Variants in NRG3 observed in about 807,000 individuals in gnomAD.
NRG3 encodes the protein pro-neuregulin-3, membrane-bound isoform.
Under a neutral mutation model 66.9 loss-of-function variants are expected in NRG3, and 31 were observed. The ratio of observed to expected loss-of-function variants is 0.46; its 90% CI spans 0.35 to 0.63. The LOEUF is 0.63. NRG3 is among the 20% of genes least tolerant of loss of function. The pLI, the probability that NRG3 is intolerant of heterozygous loss-of-function variation, is 0.00. For synonymous variants in NRG3, 393 were observed against 359.4 expected (o/e 1.09, Z -1.06); for missense variants, 910 against 878.9 (o/e 1.04, Z -0.45).
At chr10:82,046,827 C>A (rs2133078139) in intron 1 of NRG3, among the ~76,000 whole-genome samples, 1 of 115,842 alleles carries the variant, frequency 8.6e-6, no homozygotes, top group Non-Finnish European at 2.0e-5. Context: ...TTGAGATAAT[C>A]ATGTGGTTTT....
At chr10:82,166,823 T>C (rs758909999) in intron 1 of NRG3, 2 of 671,244 alleles carry the variant, frequency 3.0e-6, no homozygotes, top group Non-Finnish European at 5.5e-6. Flanking sequence ...TTCATACAAA[T>C]TTTGTAAGTC....
intron 2 of NRG3, among the ~76,000 whole-genome samples, chr10:82,457,783 G>A (rs781409248): frequency 2.2e-4 from 33 of 152,130 alleles, no homozygotes; most frequent in Admixed American, 3.9e-4. Context: ...GAAGGTTACC[G>A]CTGCCTTGTG....
At chr10:82,132,486 A>ATATCATATATATATATCATATATT (rs2068928993) in intron 1 of NRG3, among the ~76,000 whole-genome samples, 1 of 97,048 alleles carries the variant, frequency 1.0e-5, no homozygotes, top group South Asian at 2.9e-4. Flanking sequence ...TATGATATAT[A>ATATCATATATATATATCATATATT]TATATGATAT....
At chr10:82,645,557 C>G (rs1319233930) in intron 2 of NRG3, among the ~76,000 whole-genome samples, 2 of 152,178 alleles carry the variant, frequency 1.3e-5, no homozygotes, top group Non-Finnish European at 2.9e-5. Context: ...CTGCCTCAAC[C>G]ATTATCAGTT....
At chr10:82,502,715 CA>C (rs1844310568) in intron 2 of NRG3, among the ~76,000 whole-genome samples, 4 of 152,134 alleles carry the variant, frequency 2.6e-5, no homozygotes, top group Admixed American at 1.3e-4. Flanking sequence ...TAATAATTAT[CA>C]GTCCTGCCTT....
At chr10:82,075,948 CAT>C (rs1326529736) in intron 1 of NRG3, among the ~76,000 whole-genome samples, 4 of 97,728 alleles carry the variant, frequency 4.1e-5, no homozygotes, top group Admixed American at 1.2e-4. Flanking sequence ...AAAAAGTAAA[CAT>C]AGTTAAAAAA....
At chr10:82,619,132 A>G (rs979643851) in intron 2 of NRG3, among the ~76,000 whole-genome samples, 2 of 152,174 alleles carry the variant, frequency 1.3e-5, no homozygotes, top group African/African-American at 4.8e-5. Context: ...ATATTTTAGT[A>G]TAGTTCCAAT....
intron 1 of NRG3, among the ~76,000 whole-genome samples, chr10:82,290,587 G>T (rs563857339): frequency 2.6e-5 from 4 of 151,606 alleles, no homozygotes; most frequent in Non-Finnish European, 4.4e-5. Context: ...TTTTATAGCT[G>T]TAAATCTTGG....
At chr10:82,206,016 T>A (rs1237554170) in intron 1 of NRG3, among the ~76,000 whole-genome samples, 7 of 152,146 alleles carry the variant, frequency 4.6e-5, no homozygotes, top group Non-Finnish European at 1.0e-4. Context: ...CCATCCACCA[T>A]ATAGGCCTTA....
At chr10:82,406,953 C>A (rs1224320917) in intron 2 of NRG3, among the ~76,000 whole-genome samples, 2 of 152,048 alleles carry the variant, frequency 1.3e-5, no homozygotes, top group South Asian at 4.1e-4. Flanking sequence ...ATCATCATTA[C>A]TATTCTTTTT....
At chr10:82,456,239 G>A (rs1319797566) in intron 2 of NRG3, among the ~76,000 whole-genome samples, 2 of 149,912 alleles carry the variant, frequency 1.3e-5, no homozygotes, top group Non-Finnish European at 3.0e-5. Context: ...AAACTCCTTG[G>A]CTTAAGTGAT....
chr10:82,849,972 G>A (rs1226731889), intron 3 of NRG3, among the ~76,000 whole-genome samples: 2 of 152,274 alleles, frequency 1.3e-5, no homozygotes, highest in African/African-American at 2.4e-5. Context: ...ACATAGGTAG[G>A]GAGCAAAGGT....
chr10:82,710,358 G>A (rs1263598480), intron 2 of NRG3, among the ~76,000 whole-genome samples: 1 of 152,156 alleles, frequency 6.6e-6, no homozygotes, highest in African/African-American at 2.4e-5. Flanking sequence ...GGCCAAGGCA[G>A]GTGAATCCTC....
intron 2 of NRG3, among the ~76,000 whole-genome samples, chr10:82,727,398 T>C (rs1181684756): frequency 6.6e-6 from 1 of 152,206 alleles, no homozygotes; most frequent in Non-Finnish European, 1.5e-5. Flanking sequence ...CTTGGTGCCC[T>C]GCATCCCAGC....
chr10:82,099,666 A>G (rs1333186881), intron 1 of NRG3, among the ~76,000 whole-genome samples: 2 of 152,116 alleles, frequency 1.3e-5, no homozygotes, highest in African/African-American at 4.8e-5. Context: ...AGGAACATTG[A>G]TATCTTATTA....
intron 1 of NRG3, among the ~76,000 whole-genome samples, chr10:82,220,449 T>A (rs2075887014): frequency 6.6e-6 from 1 of 152,018 alleles, no homozygotes; most frequent in South Asian, 2.1e-4. Context: ...TTCACTTTGT[T>A]ATGTATGGGA....
chr10:82,749,627 T>G (rs1186472029), intron 3 of NRG3, among the ~76,000 whole-genome samples: 2 of 152,158 alleles, frequency 1.3e-5, no homozygotes, highest in Admixed American at 1.3e-4. Context: ...GGTGCCTCCT[T>G]CTGAGATTTA....
intron 1 of NRG3, among the ~76,000 whole-genome samples, chr10:81,958,942 A>G (rs1334597966): frequency 6.6e-6 from 1 of 152,194 alleles, no homozygotes; most frequent in African/African-American, 2.4e-5. Context: ...TATGTGGGAT[A>G]TTAAAATTTC....
intron 3 of NRG3, among the ~76,000 whole-genome samples, chr10:82,792,997 T>C (rs1051275979): frequency 4.6e-5 from 7 of 152,186 alleles, no homozygotes; most frequent in African/African-American, 1.7e-4. Flanking sequence ...TGTTTGTTTT[T>C]TTAATCCTAC....
Sources: gnomAD v4.1 joint callset for allele counts (sites outside exome capture counted in the v4.1 genomes callset) on GRCh38, gnomAD v4.1.1 for gene constraint, MANE v1.5 for transcripts, NCBI Gene and HGNC (gene_info 2026-07-23, HGNC 2026-07-21) for gene names.